The following GFOD1 variants were observed in gnomAD, a reference collection of about 807,000 sequenced individuals.
GFOD1 encodes Gfo/Idh/MocA-like oxidoreductase domain containing 1, also known as glucose-fructose oxidoreductase domain-containing protein 1.
GFOD1 carries 9 observed loss-of-function variants against 25.4 expected under a neutral mutation model. The ratio of observed to expected loss-of-function variants is 0.35; its 90% CI spans 0.21 to 0.62. The LOEUF is 0.62. Ranked by LOEUF, GFOD1 falls within the 20% of genes least tolerant of loss-of-function variation. The pLI is 0.72. For synonymous variants in GFOD1, 253 were observed against 245.6 expected, an observed-to-expected ratio of 1.03 and a Z score of -0.28; for missense variants, 403 against 556.9, an observed-to-expected ratio of 0.72 and a Z score of 2.78.
At chr6:13,376,009 C>CAGGAA (rs1405726617) in intron 1 of GFOD1, among the ~76,000 whole-genome samples, 6 of 152,146 alleles carry the variant, frequency 3.9e-5, no homozygotes, top group African/African-American at 1.4e-4. Flanking sequence ...GGGCATTCCC[C>CAGGAA]AGGAAAGAAA....
chr6:13,390,734 AG>A (rs1433141326), intron 1 of GFOD1, among the ~76,000 whole-genome samples: 1 of 132,380 alleles, frequency 7.6e-6, no homozygotes, highest in Non-Finnish European at 1.6e-5. Context: ...AAAAAAAAAA[AG>A]AAAGAAAGAC....
chr6:13,403,172 C>G (rs563023019), intron 1 of GFOD1, among the ~76,000 whole-genome samples: 5 of 150,302 alleles, frequency 3.3e-5, no homozygotes, highest in African/African-American at 1.2e-4. Flanking sequence ...GTCGCCCAGG[C>G]TGGAGTACAG....
At chr6:13,476,928 C>A (rs1758635560) in intron 1 of GFOD1, among the ~76,000 whole-genome samples, 1 of 152,130 alleles carries the variant, frequency 6.6e-6, no homozygotes, top group Admixed American at 6.5e-5. Context: ...TGAAGTGTCA[C>A]TGTGGCTCTC....
Position 13,361,211 on chromosome 6 carries a change from T to G in GFOD1, c.*3532A>C. The G allele has an allele frequency of 8.3e-6, 2 of 241,370 alleles. No individual in the cohort carries two copies. The highest frequency in any genetic ancestry group is 8.3e-6 in the Non-Finnish European group (1 of 119,984). 15.0% of individuals were successfully genotyped at this position (241,370 alleles called of 1,614,324 possible). ...GGTCTGGGGTGCCCTACAATGCAAT[T>G]GTCTGTTGAGAGGAGAAGTCTTGGA... On this transcript the variant is annotated 3_prime_UTR_variant, in exon 2 of 2. Coordinates refer to ENST00000379287, the MANE Select transcript of GFOD1 (RefSeq NM_018988.4).
At chr6:13,474,475 G>C (rs1758574390) in intron 1 of GFOD1, among the ~76,000 whole-genome samples, 1 of 152,144 alleles carries the variant, frequency 6.6e-6, no homozygotes, top group Non-Finnish European at 1.5e-5. Context: ...TTACCCAGGT[G>C]ATCGACCCTT....
rs758240357 is a variant in GFOD1, at chr6:13,365,417, A to T, written c.499T>A (p.Leu167Met). ...GAGTGCAGGCCGCCGCCGCCCATCA[A>T]GTCGTCGCAGCTCCAGTTGTACTTC... ...GKKYNWSCDD[L>M]MGGGGLHSVG... is the part of the protein sequence containing the mutation. The change falls in exon 2 of 2, where the codon TTG becomes ATG. Residue 167 changes from leucine (L) to methionine (M), a missense_variant. Transcript: ENST00000379287. The surrounding 1 kb of genome is among the most constrained non-coding windows in gnomAD (Gnocchi z 9.2). 2 of 1,614,016 alleles carry T rather than the reference A, an allele frequency of 1.2e-6. No homozygotes were observed. Among genetic ancestry groups the T allele is most frequent in the Admixed American group, 3.3e-5 (2 of 60,024 alleles).
At chr6:13,382,315 T>C (rs1475286190) in intron 1 of GFOD1, among the ~76,000 whole-genome samples, 1 of 145,934 alleles carries the variant, frequency 6.9e-6, no homozygotes, top group Non-Finnish European at 1.5e-5. Context: ...CCAGGTATCA[T>C]GGGAGGGACC....
rs143478697 is a variant in GFOD1, at chr6:13,470,918, C to T, written c.253+15720G>A. On this transcript the variant is annotated intron_variant, in intron 1 of 1. Transcript: ENST00000379287. ...GTCCCAGTTCCCTAAAGATTGCTCA[C>T]ACAGATGGATGTGGCTTTCACAACA... 7.6e-3 allele frequency among the ~76,000 whole-genome samples: 1,149 copies of T among 152,080 alleles called. 11 individuals are homozygous for T. Among genetic ancestry groups the T allele is most frequent in the African/African-American group, 0.026 (1,089 of 41,442 alleles).
In GFOD1 at chr6:13,363,238, T is replaced by TGCGC. The variant is rs146204036; in HGVS notation, c.*1504_*1505insGCGC. 6.6e-6 allele frequency: 1 copy of TGCGC among 151,676 alleles called. No homozygotes were observed. The highest frequency in any genetic ancestry group is 2.4e-5 in the African/African-American group (1 of 41,292). 9.4% of individuals were successfully genotyped at this position (151,676 alleles called of 1,614,324 possible). A position where few individuals can be genotyped will look rare whatever the true frequency, so the allele number is the denominator to read the frequency against. ...GTGTGTGTGTGTGTGTGTGTGTGTG[T>TGCGC]GCACGTGCATGTGTGTGTGTGTCTG... On this transcript the variant is annotated 3_prime_UTR_variant, in exon 2 of 2. Transcript: ENST00000379287.
intron 1 of GFOD1, among the ~76,000 whole-genome samples, chr6:13,366,223 C>T (rs1785045163): frequency 6.6e-6 from 1 of 152,116 alleles, no homozygotes; most frequent in African/African-American, 2.4e-5. Context: ...CACTGTTCCC[C>T]AGGCTGCATT....
At chr6:13,375,681 G>A (rs867061178) in intron 1 of GFOD1, among the ~76,000 whole-genome samples, 63 of 152,012 alleles carry the variant, frequency 4.1e-4, no homozygotes, top group African/African-American at 1.4e-3. Context: ...CATTCAACCC[G>A]CCCATAAGGC....
chr6:13,456,734 G>A (rs1758196309), intron 1 of GFOD1, among the ~76,000 whole-genome samples: 1 of 152,192 alleles, frequency 6.6e-6, no homozygotes, highest in African/African-American at 2.4e-5. Flanking sequence ...AGAGTGGGCG[G>A]CCTGCACGCT....
Position 13,364,634 on chromosome 6 carries a change from C to G in GFOD1, c.*109G>C, listed in dbSNP as rs1785002958. 1.1e-6 allele frequency: 1 copy of G among 926,222 alleles called. No individual in the cohort carries two copies. The highest frequency in any genetic ancestry group is 1.6e-5 in the African/African-American group (1 of 60,692). 57.4% of individuals were successfully genotyped at this position (926,222 alleles called of 1,614,324 possible). A position where few individuals can be genotyped will look rare whatever the true frequency, so the allele number is the denominator to read the frequency against. ...GATGCCATTTATTCACACTGTCCCT[C>G]CACCTCCCTGATCCCCACATTCCCC... On this transcript the variant is annotated 3_prime_UTR_variant, in exon 2 of 2. Transcript: ENST00000379287. The surrounding 1 kb of genome is among the most constrained non-coding windows in gnomAD (Gnocchi z 4.1).
chr6:13,424,274 C>G (rs1217856137), intron 1 of GFOD1, among the ~76,000 whole-genome samples: 1 of 152,192 alleles, frequency 6.6e-6, no homozygotes, highest in Non-Finnish European at 1.5e-5. Flanking sequence ...GGAGGCTGCC[C>G]TCACATAACC....
chr6:13,397,365 G>C (rs890360063), intron 1 of GFOD1, among the ~76,000 whole-genome samples: 1 of 152,220 alleles, frequency 6.6e-6, no homozygotes, highest in Non-Finnish European at 1.5e-5. Flanking sequence ...AGCCACCCTC[G>C]AAATGAAAAG....
Position 13,364,701 on chromosome 6 carries a change from TC to T in GFOD1, c.*41del. 1 of 1,523,024 alleles carries T rather than the reference TC, an allele frequency of 6.6e-7. No individual in the cohort carries two copies. 94.3% of individuals were successfully genotyped at this position (1,523,024 alleles called of 1,614,324 possible). A position where few individuals can be genotyped will look rare whatever the true frequency, so the allele number is the denominator to read the frequency against. On this transcript the variant is annotated 3_prime_UTR_variant, in exon 2 of 2. Coordinates refer to ENST00000379287, the MANE Select transcript of GFOD1 (RefSeq NM_018988.4). The surrounding 1 kb of genome is among the most constrained non-coding windows in gnomAD (Gnocchi z 4.1). ...CTCGGCCCTTCCCTCTCTGTGGACATCCCCTGCAGAAGGCTCAAGTCCCCGA... is the reference window on the plus strand; with the variant it reads ...CTCGGCCCTTCCCTCTCTGTGGACATCCCTGCAGAAGGCTCAAGTCCCCGA...
At chr6:13,444,505 A>G (rs911543438) in intron 1 of GFOD1, among the ~76,000 whole-genome samples, 4 of 150,834 alleles carry the variant, frequency 2.7e-5, no homozygotes, top group African/African-American at 9.8e-5. Context: ...TGCTCCTGTT[A>G]AAAAAAAAAG....
chr6:13,433,205 C>A (rs1038907846), intron 1 of GFOD1, among the ~76,000 whole-genome samples: 1 of 151,744 alleles, frequency 6.6e-6, no homozygotes, highest in Non-Finnish European at 1.5e-5. Context: ...CTGCAACCTC[C>A]ACCTCCAGGG....
In GFOD1 at chr6:13,365,216, T is replaced by G; in HGVS notation, c.700A>C (p.Thr234Pro). ...GGCACGTTGAAGTTGAGGGTGACGG[T>G]GCAGCACACCCCGCCCTCCAGCACC... ...QMVLEGGVCC[T>P]VTLNFNVPGE... The change falls in exon 2 of 2, where the codon ACC (threonine) becomes CCC (proline). Residue 234 changes from threonine (T) to proline (P), a missense_variant. Thr to Pro is a conservative substitution (Grantham distance 38, BLOSUM62 -1). Coordinates refer to ENST00000379287, the MANE Select transcript of GFOD1 (RefSeq NM_018988.4). The surrounding 1 kb of genome is among the most constrained non-coding windows in gnomAD (Gnocchi z 9.2). 6.2e-7 allele frequency: 1 copy of G among 1,614,040 alleles called. No individual in the cohort carries two copies. Among genetic ancestry groups the G allele is most frequent in the Non-Finnish European group, 8.5e-7 (1 of 1,179,994 alleles).
Sources: allele counts gnomAD v4.1 joint callset (sites outside exome capture counted in the v4.1 genomes callset), GRCh38; gene constraint gnomAD v4.1.1; non-coding constraint Gnocchi (gnomAD v3.1); transcripts MANE v1.5; gene names NCBI Gene and HGNC (gene_info 2026-07-23, HGNC 2026-07-21).